Variants in GPR137C observed in about 807,000 individuals in gnomAD.
GPR137C encodes the protein G protein-coupled receptor 137C.
Under a neutral mutation model 43.4 loss-of-function variants are expected in GPR137C, and 27 were observed. The observed-to-expected ratio is 0.62, with a 90% CI of 0.46 to 0.86. The LOEUF is 0.86. Among genes scored for constraint, GPR137C ranks in the 40% least tolerant of loss-of-function variants. The probability of loss-of-function intolerance (pLI) is 0.00; values close to 1 mark genes in which losing one functional copy is unlikely to be tolerated. For synonymous variants in GPR137C, 285 were observed against 226.9 expected (o/e 1.26, Z -2.30); for missense variants, 522 against 534.6 (o/e 0.98, Z 0.23).
intron 3 of GPR137C, among the ~76,000 whole-genome samples, chr14:52,603,646 T>C (rs1164426848): frequency 6.6e-6 from 1 of 152,104 alleles, no homozygotes; most frequent in Non-Finnish European, 1.5e-5. Flanking sequence ...GTAATTCTCC[T>C]GCCTCAGCCT....
At chr14:52,554,436 T>G (rs1325550842) in intron 1 of GPR137C, among the ~76,000 whole-genome samples, 2 of 152,184 alleles carry the variant, frequency 1.3e-5, no homozygotes, top group Non-Finnish European at 2.9e-5. Flanking sequence ...GATTGCATTG[T>G]TCTGCAGCGC....
chr14:52,574,640 C>G (rs2139467395), intron 1 of GPR137C, among the ~76,000 whole-genome samples: 1 of 152,250 alleles, frequency 6.6e-6, no homozygotes, highest in Non-Finnish European at 1.5e-5. Flanking sequence ...TGCAGCAAAC[C>G]ACCATGGCAC....
intron 1 of GPR137C, among the ~76,000 whole-genome samples, chr14:52,586,793 C>A (rs1035921328): frequency 1.3e-5 from 2 of 152,120 alleles, no homozygotes; most frequent in Non-Finnish European, 2.9e-5. Context: ...TTAAATATAA[C>A]AATACATTTC....
At chr14:52,626,943 ACTG>A (rs2039234475) in intron 3 of GPR137C, among the ~76,000 whole-genome samples, 1 of 152,222 alleles carries the variant, frequency 6.6e-6, no homozygotes, top group Admixed American at 6.5e-5. Flanking sequence ...ACTACAAAAT[ACTG>A]CTAAGAAAAA....
chr14:52,617,735 G>A (rs1309404538), intron 3 of GPR137C, among the ~76,000 whole-genome samples: 2 of 152,096 alleles, frequency 1.3e-5, no homozygotes, highest in African/African-American at 4.8e-5. Flanking sequence ...AGATAAGGAT[G>A]TAAATCCCAG....
chr14:52,621,476 T>C (rs1351106420), intron 3 of GPR137C, among the ~76,000 whole-genome samples: 1 of 151,880 alleles, frequency 6.6e-6, no homozygotes, highest in Non-Finnish European at 1.5e-5. Context: ...CAAGAAGGAA[T>C]GAAGAACATG....
intron 1 of GPR137C, among the ~76,000 whole-genome samples, chr14:52,572,892 A>G (rs2038493596): frequency 6.6e-6 from 1 of 152,218 alleles, no homozygotes; most frequent in Admixed American, 6.5e-5. Context: ...AAGCAACTTC[A>G]GCAAAGTCTC....
chr14:52,579,777 A>C (rs1048152686), intron 1 of GPR137C, among the ~76,000 whole-genome samples: 3 of 152,256 alleles, frequency 2.0e-5, no homozygotes, highest in Non-Finnish European at 4.4e-5. Flanking sequence ...GTAACAACAC[A>C]TGTGAGATGG....
chr14:52,610,719 A>G (rs935504240), intron 3 of GPR137C, among the ~76,000 whole-genome samples: 1 of 152,212 alleles, frequency 6.6e-6, no homozygotes, highest in African/African-American at 2.4e-5. Flanking sequence ...GAATAAATAC[A>G]TTCTATGCTT....
chr14:52,568,659 G>A lies in GPR137C; in HGVS notation c.444+15068G>A, dbSNP rs796661465. On this transcript the variant is annotated intron_variant, in intron 1 of 6. Transcript: ENST00000321662. Reference sequence around the variant, plus strand: ...TAGAGTAGGCGATTTTCCCCTCAGGGTGTAAACAAAGCCACCTGGAAGTTA... The same window carrying A: ...TAGAGTAGGCGATTTTCCCCTCAGGATGTAAACAAAGCCACCTGGAAGTTA... 2.1e-4 allele frequency among the ~76,000 whole-genome samples: 32 copies of A among 152,284 alleles called. 1 individual carries two copies. Among genetic ancestry groups the A allele is most frequent in the African/African-American group, 7.0e-4 (29 of 41,578 alleles).
At chr14:52,576,691 CT>C in intron 1 of GPR137C, among the ~76,000 whole-genome samples, 1 of 152,226 alleles carries the variant, frequency 6.6e-6, no homozygotes, top group South Asian at 2.1e-4. Flanking sequence ...CCAAATTAAC[CT>C]AATAGACGTT....
At chr14:52,576,661 G>C (rs979184882) in intron 1 of GPR137C, among the ~76,000 whole-genome samples, 1 of 152,062 alleles carries the variant, frequency 6.6e-6, no homozygotes, top group African/African-American at 2.4e-5. Context: ...AGAAACTCTG[G>C]ACTTAAATTG....
At chr14:52,580,230 G>T (rs935870901) in intron 1 of GPR137C, among the ~76,000 whole-genome samples, 4 of 152,086 alleles carry the variant, frequency 2.6e-5, no homozygotes, top group Admixed American at 2.0e-4. Context: ...AACAAAATTA[G>T]ATATGGATAT....
chr14:52,608,238 A>G (rs571400157), intron 3 of GPR137C, among the ~76,000 whole-genome samples: 1 of 152,034 alleles, frequency 6.6e-6, no homozygotes, highest in East Asian at 1.9e-4. Flanking sequence ...GTTTTAATCT[A>G]TTGCTTTTTA....
At chr14:52,573,884 G>T (rs1430275812) in intron 1 of GPR137C, among the ~76,000 whole-genome samples, 3 of 149,792 alleles carry the variant, frequency 2.0e-5, no homozygotes, top group East Asian at 3.9e-4. Context: ...TAAGAAAAAA[G>T]CAACCCCATC....
intron 1 of GPR137C, among the ~76,000 whole-genome samples, chr14:52,580,370 A>AT (rs373943022): frequency 1.5e-4 from 22 of 150,500 alleles, no homozygotes; most frequent in Admixed American, 2.7e-4. Flanking sequence ...AGAAAAAAAA[A>AT]TTTTTTTTTT....
intron 6 of GPR137C, among the ~76,000 whole-genome samples, chr14:52,634,219 G>A (rs1385911735): frequency 6.6e-6 from 1 of 152,144 alleles, no homozygotes; most frequent in Non-Finnish European, 1.5e-5. Flanking sequence ...GCTGTTTGTG[G>A]GAGGGGGATG....
intron 1 of GPR137C, among the ~76,000 whole-genome samples, chr14:52,582,100 G>A (rs2038655611): frequency 6.6e-6 from 1 of 152,170 alleles, no homozygotes; most frequent in Non-Finnish European, 1.5e-5. Context: ...CTGGAGGCTG[G>A]AAAGTTTCAG....
chr14:52,629,252 A>G (rs764977946), intron 3 of GPR137C, among the ~76,000 whole-genome samples: 2 of 152,348 alleles, frequency 1.3e-5, no homozygotes, highest in Middle Eastern at 6.8e-3. Context: ...CATATGACCC[A>G]GCAATTCCGC....
Sources: gnomAD v4.1 joint callset for allele counts (sites outside exome capture counted in the v4.1 genomes callset) on GRCh38, gnomAD v4.1.1 for gene constraint, MANE v1.5 for transcripts, NCBI Gene and HGNC (gene_info 2026-07-23, HGNC 2026-07-21) for gene names.